ASTN2: variants seen among roughly 807,000 people sequenced by gnomAD.
ASTN2 encodes astrotactin 2, also known as astrotactin-2.
In ASTN2, 54 loss-of-function variants were observed where a neutral mutation model predicts 139.8. That is an observed-to-expected ratio of 0.39 (90% confidence interval 0.31 to 0.48). ASTN2 has a LOEUF of 0.48. Ranked by LOEUF, ASTN2 falls within the 20% of genes least tolerant of loss-of-function variation. The pLI is 0.95. For missense variants in ASTN2, 1,565 were observed against 1,725.1 expected, an observed-to-expected ratio of 0.91 and a Z score of 1.64; for synonymous variants, 756 against 719.5, an observed-to-expected ratio of 1.05 and a Z score of -0.81.
chr9:117,345,371 G>A (rs1341835381), intron 1 of ASTN2, among the ~76,000 whole-genome samples: 2 of 152,126 alleles, frequency 1.3e-5, no homozygotes. Flanking sequence ...AAACAAGTAT[G>A]AATCATAACC....
intron 3 of ASTN2, among the ~76,000 whole-genome samples, chr9:117,209,154 C>T (rs1009512059): frequency 2.2e-4 from 33 of 152,076 alleles, no homozygotes; most frequent in African/African-American, 8.0e-4. Flanking sequence ...AAAGAATACA[C>T]AAAACAACCA....
chr9:116,673,281 C>T (rs723399), intron 16 of ASTN2, among the ~76,000 whole-genome samples: 88,414 of 152,026 alleles, frequency 0.58, 26,184 homozygotes, highest in East Asian at 0.87. Flanking sequence ...TTTGTTCAAG[C>T]CACCAAGAAC....
chr9:116,847,791 T>G (rs1156680320), intron 11 of ASTN2, among the ~76,000 whole-genome samples: 2 of 152,206 alleles, frequency 1.3e-5, no homozygotes, highest in Non-Finnish European at 2.9e-5. Flanking sequence ...TTACAATGTG[T>G]TAAGCTTTCT....
intron 2 of ASTN2, among the ~76,000 whole-genome samples, chr9:117,240,031 A>G (rs1343504744): frequency 1.3e-5 from 2 of 152,246 alleles, no homozygotes; most frequent in Admixed American, 1.3e-4. Context: ...AAATGCATTC[A>G]TTACCCCAAT....
At chr9:117,252,960 T>C (rs1024605512) in intron 2 of ASTN2, among the ~76,000 whole-genome samples, 5 of 152,236 alleles carry the variant, frequency 3.3e-5, no homozygotes, top group African/African-American at 1.2e-4. Flanking sequence ...CTGTTATTAC[T>C]AATTAGGCAA....
chr9:116,907,025 G>A (rs550044436), intron 10 of ASTN2, among the ~76,000 whole-genome samples: 23 of 152,046 alleles, frequency 1.5e-4, no homozygotes, highest in African/African-American at 4.3e-4. Flanking sequence ...TCTTTACTAC[G>A]AGCATTGCAT....
chr9:117,243,127 T>G (rs1833264499), intron 2 of ASTN2, among the ~76,000 whole-genome samples: 1 of 152,330 alleles, frequency 6.6e-6, no homozygotes, highest in Admixed American at 6.5e-5. Context: ...ATAAGGAAAC[T>G]GAGGCTTAGC....
chr9:116,636,913 T>C (rs1467717734), intron 17 of ASTN2, among the ~76,000 whole-genome samples: 1 of 152,192 alleles, frequency 6.6e-6, no homozygotes. Context: ...ATTATCTTTA[T>C]AAAAGGGCTC....
chr9:117,332,453 G>A lies in ASTN2; in HGVS notation c.443-40940C>T, dbSNP rs571572179. Among the ~76,000 whole-genome samples the A allele has an allele frequency of 7.9e-5, 12 of 152,174 alleles. No homozygotes were observed. The South Asian group carries it at 2.1e-3, about 26-fold the overall frequency. ...GGGTATGGTGGCACACGTGTAGTCC[G>A]AGCTACTCAGGAGGCTGTGTGAGAA... On this transcript the variant is annotated intron_variant, in intron 1 of 22. Coordinates refer to ENST00000313400, the MANE Select transcript of ASTN2 (RefSeq NM_001365068.1).
At chr9:117,292,762 TA>T (rs1199334476) in intron 1 of ASTN2, among the ~76,000 whole-genome samples, 1 of 152,022 alleles carries the variant, frequency 6.6e-6, no homozygotes, top group Non-Finnish European at 1.5e-5. Flanking sequence ...TACAGCAACT[TA>T]TCCAATCAGC....
At chr9:116,462,224 G>A (rs979241956) in intron 20 of ASTN2, among the ~76,000 whole-genome samples, 8 of 152,164 alleles carry the variant, frequency 5.3e-5, no homozygotes, top group Non-Finnish European at 1.0e-4. Flanking sequence ...CACATATAAT[G>A]TGCTAGGAGG....
chr9:116,820,814 T>C, intron 11 of ASTN2, 31 bp from the exon 12 acceptor site: 1 of 1,594,674 alleles, frequency 6.3e-7, no homozygotes, highest in Non-Finnish European at 8.6e-7. Context: ...AGGGTAGTTA[T>C]GGCTTGGGAG....
intron 19 of ASTN2, among the ~76,000 whole-genome samples, chr9:116,559,538 T>C (rs1009518666): frequency 6.6e-5 from 10 of 152,170 alleles, no homozygotes; most frequent in Admixed American, 4.6e-4. Flanking sequence ...ACTGCAGAAG[T>C]AGGAAGTATG....
In ASTN2 at chr9:117,064,882, C is replaced by G. The variant is rs55764032; in HGVS notation, c.1277-24917G>C. Among the ~76,000 whole-genome samples, 729 of 152,108 alleles carry G rather than the reference C, an allele frequency of 4.8e-3. 6 individuals are homozygous for G. The highest frequency in any genetic ancestry group is 0.017 in the African/African-American group (701 of 41,522). ...ACCTAGATGCTTTCAACTGCTGTTTCTCTGCTGTCTGCTTGTGGTGGGTTG... is the reference window on the plus strand; with the variant it reads ...ACCTAGATGCTTTCAACTGCTGTTTGTCTGCTGTCTGCTTGTGGTGGGTTG... On this transcript the variant is annotated intron_variant, in intron 5 of 22. Coordinates refer to ENST00000313400, the MANE Select transcript of ASTN2 (RefSeq NM_001365068.1).
At chr9:117,226,766 T>C (rs1832726623) in intron 2 of ASTN2, among the ~76,000 whole-genome samples, 1 of 152,236 alleles carries the variant, frequency 6.6e-6, no homozygotes, top group African/African-American at 2.4e-5. Flanking sequence ...ATCCTGTTTG[T>C]CTGCTGCATG....
intron 5 of ASTN2, among the ~76,000 whole-genome samples, chr9:117,045,092 G>GATACCCT: frequency 6.6e-6 from 1 of 152,000 alleles, no homozygotes; most frequent in African/African-American, 2.4e-5. Flanking sequence ...TTGGGGTCAG[G>GATACCCT]CATATCTATG....
intron 13 of ASTN2, among the ~76,000 whole-genome samples, chr9:116,761,079 C>T (rs1263321049): frequency 2.6e-5 from 4 of 152,196 alleles, no homozygotes; most frequent in Non-Finnish European, 5.9e-5. Flanking sequence ...AACTGTCCTC[C>T]ACCCCTCATA....
chr9:116,833,807 A>G (rs1027963727), intron 11 of ASTN2, among the ~76,000 whole-genome samples: 6 of 152,174 alleles, frequency 3.9e-5, no homozygotes, highest in Non-Finnish European at 7.4e-5. Flanking sequence ...CCACCTGCAA[A>G]GTGATGATAT....
At chr9:116,597,439 C>T (rs2093323) in intron 19 of ASTN2, among the ~76,000 whole-genome samples, 56,377 of 150,942 alleles carry the variant, frequency 0.37, 11,223 homozygotes, top group East Asian at 0.7. Flanking sequence ...TCCCAAGTAG[C>T]GGGCCACCAT....
Sources: gnomAD v4.1 joint callset for allele counts (sites outside exome capture counted in the v4.1 genomes callset) on GRCh38, gnomAD v4.1.1 for gene constraint, MANE v1.5 for transcripts, NCBI Gene and HGNC (gene_info 2026-07-23, HGNC 2026-07-21) for gene names.